RPRD1B: variants seen among roughly 807,000 people sequenced by gnomAD.
RPRD1B encodes the protein regulation of nuclear pre-mRNA domain-containing protein 1B.
RPRD1B carries 11 observed loss-of-function variants against 41.5 expected under a neutral mutation model. That is an observed-to-expected ratio of 0.27 (90% CI 0.17 to 0.44). RPRD1B has a LOEUF of 0.44. Among genes scored for constraint, RPRD1B ranks in the 20% least tolerant of loss-of-function variants. RPRD1B has a pLI of 1.00. For missense variants in RPRD1B, 248 were observed against 389.9 expected, an observed-to-expected ratio of 0.64 and a Z score of 3.06; for synonymous variants, 158 against 155.6, an observed-to-expected ratio of 1.02 and a Z score of -0.12.
chr20:38,061,717 GA>G (rs1230964099), intron 5 of RPRD1B, among the ~76,000 whole-genome samples: 4 of 152,146 alleles, frequency 2.6e-5, no homozygotes, highest in Admixed American at 2.0e-4. Flanking sequence ...CCCAGTTGCT[GA>G]TGACTTCCTT....
chr20:38,049,869 T>C (rs948242937), intron 3 of RPRD1B: 2 of 470,952 alleles, frequency 4.2e-6, no homozygotes, highest in South Asian at 3.1e-5. Flanking sequence ...TTCCAGATTC[T>C]TCTCCTGCCA....
At chr20:38,072,537 T>C (rs1422309316) in intron 6 of RPRD1B, among the ~76,000 whole-genome samples, 1 of 152,338 alleles carries the variant, frequency 6.6e-6, no homozygotes, top group East Asian at 1.9e-4. Context: ...ACCTTTTCCA[T>C]TTCTGCAAAA....
rs779382580 is a variant in RPRD1B, at chr20:38,057,691, C to G, written c.528+47C>G. 13 of 1,351,574 alleles carry G rather than the reference C, an allele frequency of 9.6e-6. No homozygotes were observed. The South Asian group carries it at 1.5e-4, about 16-fold the overall frequency. The allele number at this position is 1,351,574 out of a possible 1,614,324, so 83.7% of individuals were successfully genotyped here. A position where few individuals can be genotyped will look rare whatever the true frequency, so the allele number is the denominator to read the frequency against. On this transcript the variant is annotated intron_variant, in intron 4 of 6. Coordinates refer to ENST00000373433, the MANE Select transcript of RPRD1B (RefSeq NM_021215.4). Reference sequence around the variant, plus strand: ...GTAGGGAACAGTGGCTTAAAGTGACCTCTAGTTGAAGACTATGGCCACAAG... The same window carrying G: ...GTAGGGAACAGTGGCTTAAAGTGACGTCTAGTTGAAGACTATGGCCACAAG...
chr20:38,037,501 C>T lies in RPRD1B; in HGVS notation c.152-2934C>T, dbSNP rs570772301. 3.3e-5 allele frequency among the ~76,000 whole-genome samples: 5 copies of T among 152,288 alleles called. No homozygotes were observed. In the South Asian group the frequency reaches 1.0e-3, roughly 32 times the overall value. ...GGACATGGGTAGTGAGTGAAAGGACCTATTTCTGTCGTATAGGAAGGACAT... is the reference window on the plus strand; with the variant it reads ...GGACATGGGTAGTGAGTGAAAGGACTTATTTCTGTCGTATAGGAAGGACAT... On this transcript the variant is annotated intron_variant, in intron 1 of 6. Coordinates refer to ENST00000373433, the MANE Select transcript of RPRD1B (RefSeq NM_021215.4).
chr20:38,083,819 G>A (rs988505001), intron 6 of RPRD1B: 1 of 152,092 alleles, frequency 6.6e-6, no homozygotes, highest in African/African-American at 2.4e-5. Flanking sequence ...CTTACCCAGT[G>A]TCTTACTCAG....
chr20:38,049,895 T>C, intron 3 of RPRD1B: 1 of 467,858 alleles, frequency 2.1e-6, no homozygotes, highest in Non-Finnish European at 4.4e-6. Flanking sequence ...TCACTTACAC[T>C]GTATTCTTTG....
At chr20:38,038,776 G>T (rs991393358) in intron 1 of RPRD1B, among the ~76,000 whole-genome samples, 1 of 152,148 alleles carries the variant, frequency 6.6e-6, no homozygotes, top group Non-Finnish European at 1.5e-5. Flanking sequence ...GGGATTACAG[G>T]CGTGAGCCAC....
At chr20:38,083,493 A>G (rs1273178194) in intron 6 of RPRD1B, among the ~76,000 whole-genome samples, 1 of 152,140 alleles carries the variant, frequency 6.6e-6, no homozygotes, top group Non-Finnish European at 1.5e-5. Flanking sequence ...TTGCTTCCGC[A>G]TGTCCCTATG....
At chr20:38,068,445 T>C (rs1419250386) in intron 6 of RPRD1B, among the ~76,000 whole-genome samples, 1 of 152,162 alleles carries the variant, frequency 6.6e-6, no homozygotes, top group Non-Finnish European at 1.5e-5. Flanking sequence ...CAGGTTGGAG[T>C]GCAGTGACGT....
chr20:38,049,371 T>TC (rs1197631086), intron 3 of RPRD1B, among the ~76,000 whole-genome samples: 6 of 135,986 alleles, frequency 4.4e-5, no homozygotes, highest in East Asian at 4.0e-4. Context: ...TTTTTTCTTT[T>TC]TTTTTTTTTT....
At chr20:38,058,394 G>A (rs1376764054) in intron 4 of RPRD1B, among the ~76,000 whole-genome samples, 84 of 144,074 alleles carry the variant, frequency 5.8e-4, no homozygotes, top group Non-Finnish European at 1.1e-4. Flanking sequence ...TGACAGCAGT[G>A]TTAGGTCATA....
intron 5 of RPRD1B, 124 bp from the exon 6 acceptor site, chr20:38,065,957 G>GT: frequency 1.1e-6 from 1 of 894,158 alleles, no homozygotes; most frequent in South Asian, 1.7e-5. Context: ...TTGTCCACAG[G>GT]TGCTGGCTTA....
intron 6 of RPRD1B, among the ~76,000 whole-genome samples, chr20:38,081,749 C>T (rs184674296): frequency 2.1e-4 from 32 of 152,230 alleles, no homozygotes; most frequent in Non-Finnish European, 3.8e-4. Flanking sequence ...TTGTTGAGGA[C>T]TCTTAACATG....
chr20:38,047,506 G>A (rs571808240), intron 2 of RPRD1B, among the ~76,000 whole-genome samples: 2 of 147,132 alleles, frequency 1.4e-5, no homozygotes, highest in Admixed American at 6.7e-5. Context: ...GTATAAGATC[G>A]TTGCCATTTA....
chr20:38,034,424 G>T (rs1420389288), intron 1 of RPRD1B, among the ~76,000 whole-genome samples: 2 of 152,174 alleles, frequency 1.3e-5, no homozygotes, highest in African/African-American at 4.8e-5. Context: ...TAGCATGTCG[G>T]GCCCAGTGCT....
In RPRD1B at chr20:38,088,260, A is replaced by G. The variant is rs117911686; in HGVS notation, c.832-1466A>G. Among the ~76,000 whole-genome samples the G allele has an allele frequency of 3.9e-3, 601 of 152,284 alleles. 2 individuals are homozygous for G. Among genetic ancestry groups the G allele is most frequent in the Non-Finnish European group, 6.6e-3 (448 of 68,012 alleles). ...CTCCATTTGACCTTTTTCCTGCCTC[A>G]TTATTCTTCCCAGACATTCTCTAGC... On this transcript the variant is annotated intron_variant, in intron 6 of 6. Transcript: ENST00000373433.
At chr20:38,053,069 T>C (rs1213353543) in intron 3 of RPRD1B, among the ~76,000 whole-genome samples, 3 of 151,942 alleles carry the variant, frequency 2.0e-5, no homozygotes, top group African/African-American at 7.3e-5. Context: ...CAGAAGGACT[T>C]TGGCTACCCC....
Position 38,090,435 on chromosome 20 carries a change from A to G in RPRD1B, c.*560A>G. ...ATCCTCCCTTTCCATTGCTTCTCCT[A>G]GTGATGCACGAAGATTAGGTGCATT... On this transcript the variant is annotated 3_prime_UTR_variant, in exon 7 of 7. Transcript: ENST00000373433. 1 of 986,006 alleles carries G rather than the reference A, an allele frequency of 1.0e-6. No homozygotes were observed. Among genetic ancestry groups the G allele is most frequent in the Non-Finnish European group, 1.2e-6 (1 of 830,044 alleles). 61.1% of individuals were successfully genotyped at this position (986,006 alleles called of 1,614,324 possible).
intron 3 of RPRD1B, among the ~76,000 whole-genome samples, chr20:38,050,223 A>G (rs2074171402): frequency 5.3e-5 from 8 of 152,102 alleles, no homozygotes; most frequent in Admixed American, 5.2e-4. Flanking sequence ...AATTATTTGC[A>G]TTTTGCAGTG....
Sources: gnomAD v4.1 joint callset for allele counts (sites outside exome capture counted in the v4.1 genomes callset) on GRCh38, gnomAD v4.1.1 for gene constraint, MANE v1.5 for transcripts, NCBI Gene and HGNC (gene_info 2026-07-23, HGNC 2026-07-21) for gene names.